MAP3K15: variants seen among roughly 807,000 people sequenced by gnomAD.
MAP3K15 encodes the protein mitogen-activated protein kinase kinase kinase 15.
Under a neutral mutation model 99.5 loss-of-function variants are expected in MAP3K15, and 124 were observed. The observed-to-expected ratio is 1.25, with a 90% confidence interval of 1.08 to 1.45. The LOEUF is 1.45. MAP3K15 is among the 40% of genes most tolerant of loss of function. The pLI, the probability that MAP3K15 is intolerant of heterozygous loss-of-function variation, is 0.00. For missense variants in MAP3K15, 1,242 were observed against 1,079.7 expected (o/e 1.15, Z -2.11); for synonymous variants, 494 against 439.6 (o/e 1.12, Z -1.55).
At chrX:19,421,235 G>C (rs139359767) in intron 9 of MAP3K15, among the ~76,000 whole-genome samples, 2,450 of 111,303 alleles carry the variant, frequency 0.022, 45 homozygotes, top group African/African-American at 0.055. Context: ...AAAAGAGGAA[G>C]TCAAATTGTC....
chrX:19,429,195 G>A (rs1744781014), intron 7 of MAP3K15, among the ~76,000 whole-genome samples: 1 of 110,815 alleles, frequency 9.0e-6, no homozygotes, highest in Admixed American at 9.7e-5. Context: ...ATATAGCAGG[G>A]AGCAGGGAGC....
intron 11 of MAP3K15, 46 bp downstream of exon 11, chrX:19,413,311 T>C (rs1399992981): frequency 9.9e-7 from 1 of 1,008,147 alleles, no homozygotes; most frequent in Admixed American, 2.3e-5. Flanking sequence ...ATCTAGACTC[T>C]CCTATTTGAA....
intron 13 of MAP3K15, among the ~76,000 whole-genome samples, chrX:19,405,360 C>T (rs912681245): frequency 9.0e-6 from 1 of 111,510 alleles, no homozygotes; most frequent in Non-Finnish European, 1.9e-5. Context: ...CTGCCAAATA[C>T]ATAACATCAG....
intron 2 of MAP3K15, among the ~76,000 whole-genome samples, chrX:19,487,174 C>T (rs1038605721): frequency 1.8e-5 from 2 of 109,968 alleles, no homozygotes; most frequent in Non-Finnish European, 1.9e-5. Context: ...AAACAGCTGC[C>T]CTGTAAAACA....
intron 1 of MAP3K15, among the ~76,000 whole-genome samples, chrX:19,497,906 C>A (rs893490596): frequency 4.5e-5 from 5 of 111,602 alleles, no homozygotes; most frequent in Non-Finnish European, 7.5e-5. Context: ...AATCTTCAAC[C>A]TCAGAATTTT....
intron 9 of MAP3K15, 120 bp downstream of exon 9, chrX:19,425,411 T>C (rs746260315): frequency 1.2e-4 from 77 of 641,065 alleles, no homozygotes; most frequent in Non-Finnish European, 1.6e-4. Flanking sequence ...AGCAGTTGTG[T>C]CTGTGCTAAC....
intron 13 of MAP3K15, among the ~76,000 whole-genome samples, chrX:19,405,923 A>T (rs918776949): frequency 2.7e-5 from 3 of 112,429 alleles, no homozygotes; most frequent in Non-Finnish European, 3.8e-5. Context: ...TAAAAAGTTT[A>T]ATTTTTTTAA....
In MAP3K15 at chrX:19,485,308, C is replaced by CAAAA. The variant is rs368987947; in HGVS notation, c.525+1170_525+1173dup. Among the ~76,000 whole-genome samples, 8 of 7,936 alleles carry CAAAA rather than the reference C, an allele frequency of 1.0e-3. 2 individuals are homozygous for CAAAA. The highest frequency in any genetic ancestry group is 1.5e-3 in the Non-Finnish European group (7 of 4,693). 6.9% of individuals were successfully genotyped at this position (7,936 alleles called of 115,157 possible). On this transcript the variant is annotated intron_variant, in intron 3 of 28. Coordinates refer to ENST00000338883, the MANE Select transcript of MAP3K15 (RefSeq NM_001001671.4). ...TGGCTGACAGAGCGAGACTCTGTCT[C>CAAAA]AAAAAAAAAAAAAAAAAAAAAAAAA...
rs1223982658 is a variant in MAP3K15, at chrX:19,515,102, C to A, written c.160G>T (p.Gly54Trp). 4 of 843,783 alleles carry A rather than the reference C, an allele frequency of 4.7e-6. No individual in the cohort carries two copies. The highest frequency in any genetic ancestry group is 9.5e-5 in the Admixed American group (2 of 21,029). 69.5% of individuals were successfully genotyped at this position (843,783 alleles called of 1,213,427 possible). A position where few individuals can be genotyped will look rare whatever the true frequency, so the allele number is the denominator to read the frequency against. Residue 54 changes from glycine to tryptophan, a missense_variant, in exon 1 of 29, where the codon GGG (glycine) becomes TGG (tryptophan). Gly to Trp is a radical substitution (Grantham distance 184, BLOSUM62 -2). Coordinates refer to ENST00000338883, the MANE Select transcript of MAP3K15 (RefSeq NM_001001671.4). Reference protein sequence around the residue: ...AAGGSGEGESGGGPRRALRAV... With the variant: ...AAGGSGEGESWGGPRRALRAV... ...CGCAGAGCCCGCCGCGGCCCGCCCC[C>A]ACTCTCGCCCTCGCCGCTGCCGCCT...
At chrX:19,382,600 G>A (rs765042313) in intron 18 of MAP3K15, among the ~76,000 whole-genome samples, 7 of 112,357 alleles carry the variant, frequency 6.2e-5, no homozygotes, top group South Asian at 3.7e-4. Flanking sequence ...AGATCGATGA[G>A]GAACAAATGA....
intron 3 of MAP3K15, among the ~76,000 whole-genome samples, chrX:19,480,506 T>C (rs2064280597): frequency 9.3e-6 from 1 of 107,930 alleles, no homozygotes; most frequent in Non-Finnish European, 1.9e-5. Context: ...CAAAGAAAAA[T>C]AAATTTTTTA....
intron 18 of MAP3K15, among the ~76,000 whole-genome samples, chrX:19,381,272 C>T (rs1464215218): frequency 9.1e-6 from 1 of 110,418 alleles, no homozygotes; most frequent in African/African-American, 3.3e-5. Flanking sequence ...TGGGCAGGGC[C>T]GGCTGCGGAC....
chrX:19,511,730 T>C (rs2064520260), intron 1 of MAP3K15, among the ~76,000 whole-genome samples: 2 of 111,878 alleles, frequency 1.8e-5, no homozygotes, highest in South Asian at 7.5e-4. Flanking sequence ...GGAGTGTGAA[T>C]TAGTTCAACC....
At chrX:19,501,246 C>T (rs2064438449) in intron 1 of MAP3K15, among the ~76,000 whole-genome samples, 1 of 111,942 alleles carries the variant, frequency 8.9e-6, no homozygotes, top group African/African-American at 3.2e-5. Context: ...TGAGTTACAA[C>T]GCCATCTTTA....
At chrX:19,499,377 T>C (rs2064427056) in intron 1 of MAP3K15, among the ~76,000 whole-genome samples, 1 of 112,266 alleles carries the variant, frequency 8.9e-6, no homozygotes. Flanking sequence ...AAGTTTCTGA[T>C]ATACTTCAAC....
rs1190655980 is a variant in MAP3K15, at chrX:19,515,043, G to C, written c.219C>G (p.Gly73=). ...CAGCCTCCGGGCCGCCGGCCGCGCCGCCCTGGGAGCTCTCACTGCGCACGT... is the reference window on the plus strand; with the variant it reads ...CAGCCTCCGGGCCGCCGGCCGCGCCCCCCTGGGAGCTCTCACTGCGCACGT... ...AVYVRSESSQ[G]GAAGGPEAGA... The change falls in exon 1 of 29, where the codon GGC becomes GGG. Residue 73 remains glycine, a synonymous_variant. Coordinates refer to ENST00000338883, the MANE Select transcript of MAP3K15 (RefSeq NM_001001671.4). 124 of 1,016,182 alleles carry C rather than the reference G, an allele frequency of 1.2e-4. No homozygotes were observed. Among genetic ancestry groups the C allele is most frequent in the Non-Finnish European group, 1.5e-4 (121 of 781,610 alleles). The allele number at this position is 1,016,182 out of a possible 1,213,427, so 83.7% of individuals were successfully genotyped here.
rs773699616 is a variant in MAP3K15 at position 19,508,203 on chromosome X, G to A, written c.361+6698C>T. ...TTTTTGTTTTTCGAAATGGAGTCTTGCTCTGTTGGCCAGCCTGGAGTGCAG... is the reference window on the plus strand; with the variant it reads ...TTTTTGTTTTTCGAAATGGAGTCTTACTCTGTTGGCCAGCCTGGAGTGCAG... On this transcript the variant is annotated intron_variant, in intron 1 of 28. Transcript: ENST00000338883. Among the ~76,000 whole-genome samples the A allele has an allele frequency of 9.9e-5, 11 of 110,598 alleles. 1 individual carries two copies. Among genetic ancestry groups the A allele is most frequent in the African/African-American group, 3.6e-4 (11 of 30,390 alleles).
At chrX:19,430,499 G>A (rs756996130) in intron 7 of MAP3K15, among the ~76,000 whole-genome samples, 1 of 111,981 alleles carries the variant, frequency 8.9e-6, no homozygotes, top group African/African-American at 3.2e-5. Context: ...CATAATCATT[G>A]CTGTTCGAAG....
At chrX:19,425,760 TA>T (rs2063824389) in intron 8 of MAP3K15, 70 bp from the exon 9 acceptor site, 1 of 999,765 alleles carries the variant, frequency 1.0e-6, no homozygotes, top group African/African-American at 1.9e-5. Flanking sequence ...GATAAGCAGG[TA>T]TTTTATTTTG....
Sources: gnomAD v4.1 joint callset for allele counts (sites outside exome capture counted in the v4.1 genomes callset) on GRCh38, gnomAD v4.1.1 for gene constraint, MANE v1.5 for transcripts, NCBI Gene and HGNC (gene_info 2026-07-23, HGNC 2026-07-21) for gene names.